The following RUNX1 variants were observed in gnomAD, a reference collection of about 807,000 sequenced individuals.
RUNX1 encodes the protein RUNX family transcription factor 1.
RUNX1 carries 19 observed loss-of-function variants against 42.8 expected under a neutral mutation model. That is an observed-to-expected ratio of 0.44 (90% CI 0.31 to 0.65). RUNX1 has a LOEUF of 0.65. Ranked by LOEUF, RUNX1 falls within the 30% of genes least tolerant of loss-of-function variation. The pLI, the probability that RUNX1 is intolerant of heterozygous loss-of-function variation, is 0.07. For missense variants in RUNX1, 528 were observed against 672.0 expected (o/e 0.79, Z 2.37); for synonymous variants, 271 against 289.4 (o/e 0.94, Z 0.64).
Position 34,794,921 on chromosome 21 carries a change from C to T in RUNX1, c.968-2311G>A, listed in dbSNP as rs558372025. Among the ~76,000 whole-genome samples, 338 of 152,220 alleles carry T rather than the reference C, an allele frequency of 2.2e-3. 2 individuals carry two copies. Among genetic ancestry groups the T allele is most frequent in the Non-Finnish European group, 4.0e-3 (275 of 68,016 alleles). On this transcript the variant is annotated intron_variant, in intron 8 of 8. Coordinates refer to ENST00000675419, the MANE Select transcript of RUNX1 (RefSeq NM_001754.5). ...TCTCCAGACATTGCCAGATATCCTG[C>T]GGGTGGGGTGACGGAAGCAAAGTCA...
intron 2 of RUNX1, among the ~76,000 whole-genome samples, chr21:34,894,489 G>A (rs1023099696): frequency 1.3e-5 from 2 of 152,146 alleles, no homozygotes; most frequent in African/African-American, 4.8e-5. Flanking sequence ...TTAAATTGGG[G>A]AGGGGGAAGG....
intron 2 of RUNX1, among the ~76,000 whole-genome samples, chr21:34,992,366 G>A (rs2146834600): frequency 6.6e-6 from 1 of 152,330 alleles, no homozygotes; most frequent in Non-Finnish European, 1.5e-5. Flanking sequence ...AGGAGCCTGG[G>A]GCACATTCCC....
intron 6 of RUNX1, among the ~76,000 whole-genome samples, chr21:34,851,486 G>A (rs1221630376): frequency 6.6e-6 from 1 of 152,220 alleles, no homozygotes; most frequent in Non-Finnish European, 1.5e-5. Context: ...CACACCCACT[G>A]GCCTGGTGGC....
chr21:34,950,188 G>C (rs992650560), intron 2 of RUNX1, among the ~76,000 whole-genome samples: 3 of 152,208 alleles, frequency 2.0e-5, no homozygotes, highest in African/African-American at 7.2e-5. Flanking sequence ...TCTAGCTACA[G>C]TGTTATAGGT....
intron 2 of RUNX1, among the ~76,000 whole-genome samples, chr21:35,034,267 G>A (rs1208104259): frequency 3.3e-5 from 5 of 152,356 alleles, no homozygotes; most frequent in Non-Finnish European, 4.4e-5. Flanking sequence ...TGCGCCAGCA[G>A]GCCAGAGTCA....
chr21:34,799,435 G>A lies in RUNX1; in HGVS notation c.833C>T (p.Pro278Leu), dbSNP rs759227406. The change falls in exon 8 of 9, where the codon CCG (proline) becomes CTG (leucine). Residue 278 changes from proline to leucine, a missense_variant. This residue lies in a region of RUNX1 where 331 missense variants were observed against 382.5 expected (regional missense o/e 0.87). Coordinates refer to ENST00000675419, the MANE Select transcript of RUNX1 (RefSeq NM_001754.5). ...QDTRQIQPSP[P>L]WSYDQSYQYL... ...TTGGTAGGACTGATCGTAGGACCAC[G>A]GTGGGGATGGTTGGATCTGCCTTGT... 3 of 1,614,144 alleles carry A rather than the reference G, an allele frequency of 1.9e-6. No individual in the cohort carries two copies. The highest frequency in any genetic ancestry group is 1.3e-5 in the African/African-American group (1 of 75,034).
chr21:34,938,852 T>C (rs1055402297), intron 2 of RUNX1, among the ~76,000 whole-genome samples: 1 of 152,200 alleles, frequency 6.6e-6, no homozygotes, highest in Admixed American at 6.5e-5. Context: ...TTTCATCAGA[T>C]AGGCTCCTGA....
intron 5 of RUNX1, among the ~76,000 whole-genome samples, chr21:34,864,840 A>C (rs889274545): frequency 1.1e-4 from 17 of 152,224 alleles, no homozygotes; most frequent in Admixed American, 1.1e-3. Context: ...ACAACAGGGC[A>C]GATGAGGTTT....
chr21:34,929,332 C>T (rs1244717606), intron 2 of RUNX1, among the ~76,000 whole-genome samples: 6 of 152,124 alleles, frequency 3.9e-5, no homozygotes, highest in Non-Finnish European at 7.4e-5. Flanking sequence ...AGTTTATCAC[C>T]TGGAAATAGC....
At chr21:34,889,070 C>G (rs1217487386) in intron 3 of RUNX1, among the ~76,000 whole-genome samples, 1 of 151,330 alleles carries the variant, frequency 6.6e-6, no homozygotes, top group Non-Finnish European at 1.5e-5. Context: ...GAGGAGGACC[C>G]GGCCGGCGCG....
chr21:34,971,740 A>T lies in RUNX1; in HGVS notation c.58+77102T>A, dbSNP rs147029771. On this transcript the variant is annotated intron_variant, in intron 2 of 8. Coordinates refer to ENST00000675419, the MANE Select transcript of RUNX1 (RefSeq NM_001754.5). ...GTGAGGGCAAGAGATAGGGAGGTAA[A>T]CTCCGGCAGCTCAGAGGGGACAGAA... 1.5e-4 allele frequency among the ~76,000 whole-genome samples: 23 copies of T among 152,272 alleles called. No homozygotes were observed. The East Asian group carries it at 4.2e-3, about 28-fold the overall frequency.
chr21:34,817,155 C>T (rs766808932), intron 7 of RUNX1, among the ~76,000 whole-genome samples: 4 of 152,284 alleles, frequency 2.6e-5, no homozygotes, highest in South Asian at 2.1e-4. Flanking sequence ...GGTCTTCACA[C>T]GTCACTCAAG....
intron 2 of RUNX1, among the ~76,000 whole-genome samples, chr21:35,024,477 T>C (rs1875655189): frequency 6.6e-6 from 1 of 152,260 alleles, no homozygotes; most frequent in Admixed American, 6.5e-5. Context: ...AATGTCTTTA[T>C]GTGTGTGCTA....
intron 6 of RUNX1, among the ~76,000 whole-genome samples, chr21:34,838,284 C>T (rs1451562511): frequency 6.6e-6 from 1 of 152,104 alleles, no homozygotes; most frequent in Non-Finnish European, 1.5e-5. Flanking sequence ...GGTTAAATTG[C>T]CACCGTTTCT....
chr21:34,993,760 CACAGGCGCACACACACAG>C (rs1452342180), intron 2 of RUNX1, among the ~76,000 whole-genome samples: 1 of 130,690 alleles, frequency 7.7e-6, no homozygotes, highest in African/African-American at 4.4e-5. Flanking sequence ...CACAGACACA[CACAGGCGCACACACACAG>C]ACACACACAC....
At chr21:35,028,322 T>C (rs1354253274) in intron 2 of RUNX1, among the ~76,000 whole-genome samples, 2 of 152,232 alleles carry the variant, frequency 1.3e-5, no homozygotes, top group Admixed American at 6.5e-5. Flanking sequence ...CTGCCAAGTT[T>C]AGGAGTCCCT....
At chr21:34,834,034 T>C in intron 7 of RUNX1, 1 of 408,300 alleles carries the variant, frequency 2.4e-6, no homozygotes, top group Non-Finnish European at 4.7e-6. Flanking sequence ...TGTGTGTGTG[T>C]GTCTGCGTGT....
chr21:34,938,126 C>T (rs2058500259), intron 2 of RUNX1, among the ~76,000 whole-genome samples: 1 of 152,134 alleles, frequency 6.6e-6, no homozygotes, highest in African/African-American at 2.4e-5. Flanking sequence ...AATATCCACA[C>T]AGTGAAAAGC....
chr21:34,793,616 C>A (rs2056482080), intron 8 of RUNX1, among the ~76,000 whole-genome samples: 1 of 152,174 alleles, frequency 6.6e-6, no homozygotes, highest in African/African-American at 2.4e-5. Context: ...CTCATTCTTT[C>A]ATGTACTGCC....
Sources: allele counts gnomAD v4.1 joint callset (sites outside exome capture counted in the v4.1 genomes callset), GRCh38; gene constraint gnomAD v4.1.1; regional missense constraint gnomAD v4.1.1; transcripts MANE v1.5; gene names NCBI Gene and HGNC (gene_info 2026-07-23, HGNC 2026-07-21).